DNAH9: variants seen among roughly 807,000 people sequenced by gnomAD.
The protein encoded by DNAH9 is DNAH9 variant protein.
Under a neutral mutation model 471.6 loss-of-function variants are expected in DNAH9, and 345 were observed. That is an observed-to-expected ratio of 0.73 (90% CI 0.67 to 0.80). The LOEUF (loss-of-function observed/expected upper bound fraction) is 0.80, where lower values mean the gene tolerates loss of function less well. DNAH9 is among the 30% of genes least tolerant of loss of function. The pLI is 0.00. For missense variants in DNAH9, 5,407 were observed against 5,609.2 expected, an observed-to-expected ratio of 0.96 and a Z score of 1.15; for synonymous variants, 2,093 against 2,123.6, an observed-to-expected ratio of 0.99 and a Z score of 0.40.
intron 57 of DNAH9, among the ~76,000 whole-genome samples, 164 bp from the exon 58 acceptor site, chr17:11,891,613 C>A (rs1387285377): frequency 9.0e-6 from 1 of 111,698 alleles, no homozygotes; most frequent in Admixed American, 1.1e-4. Context: ...GATCTGCCCA[C>A]CTTGGCCTCC....
chr17:11,829,523 G>A (rs187507891), intron 48 of DNAH9, among the ~76,000 whole-genome samples: 118 of 152,294 alleles, frequency 7.7e-4, no homozygotes, highest in South Asian at 3.1e-3. Context: ...CCAGGCTGGA[G>A]TGCAGTGGCC....
At chr17:11,951,299 T>C (rs192842637) in intron 67 of DNAH9, among the ~76,000 whole-genome samples, 1 of 152,202 alleles carries the variant, frequency 6.6e-6, no homozygotes, top group African/African-American at 2.4e-5. Flanking sequence ...GAGTCATGAC[T>C]TTTTGACACA....
intron 24 of DNAH9, among the ~76,000 whole-genome samples, chr17:11,702,039 A>G (rs1212404030): frequency 1.3e-5 from 2 of 152,214 alleles, no homozygotes; most frequent in East Asian, 1.9e-4. Flanking sequence ...CAGATAGTTC[A>G]TGAGGTCTGG....
rs1311971551 is a variant in DNAH9 at position 11,632,618 on chromosome 17, A to G, written c.1550A>G (p.Gln517Arg). ...GAAAATGACGTCTCTGAATTTAACCAGAAAGTAGAAGATCTTGACCGAAGA... is the reference window on the plus strand; with the variant it reads ...GAAAATGACGTCTCTGAATTTAACCGGAAAGTAGAAGATCTTGACCGAAGA... ...DFENDVSEFN[Q>R]KVEDLDRRLG... The change falls in exon 8 of 69, where the codon CAG becomes CGG. Residue 517 changes from glutamine (Q) to arginine (R), a missense_variant. Physicochemically the swap from Gln to Arg is conservative, Grantham distance 43. Around this residue, in one of 3 missense-constraint regions of DNAH9, gnomAD observed 767 missense variants for 692.5 expected, o/e 1.11. Coordinates refer to ENST00000262442, the MANE Select transcript of DNAH9 (RefSeq NM_001372.4). 1 of 1,606,412 alleles carries G rather than the reference A, an allele frequency of 6.2e-7. No homozygotes were observed. Among genetic ancestry groups the G allele is most frequent in the Non-Finnish European group, 8.5e-7 (1 of 1,173,090 alleles).
At chr17:11,634,693 C>T (rs78036208) in intron 8 of DNAH9, among the ~76,000 whole-genome samples, 1 of 152,180 alleles carries the variant, frequency 6.6e-6, no homozygotes, top group African/African-American at 2.4e-5. Flanking sequence ...TTTTTAGCAC[C>T]TTTACAGAGT....
At chr17:11,758,060 C>T (rs575309625) in intron 35 of DNAH9, among the ~76,000 whole-genome samples, 3 of 152,304 alleles carry the variant, frequency 2.0e-5, no homozygotes, top group East Asian at 3.9e-4. Context: ...TAGGCCAGAT[C>T]AACAGACCTA....
intron 24 of DNAH9, among the ~76,000 whole-genome samples, chr17:11,701,873 G>T (rs2074604770): frequency 6.6e-6 from 1 of 152,058 alleles, no homozygotes; most frequent in Non-Finnish European, 1.5e-5. Flanking sequence ...GTAGAGATGG[G>T]GTTTCACCAT....
Position 11,647,068 on chromosome 17 carries a change from G to C in DNAH9, c.1971-4G>C. Reference sequence around the variant, plus strand: ...GAGGTGGCTGTTGTCTCTGACCCTTGCAGGTATGAGACAAGACTTTATGAG... The same window carrying C: ...GAGGTGGCTGTTGTCTCTGACCCTTCCAGGTATGAGACAAGACTTTATGAG... On this transcript the variant is annotated splice_region_variant and splice_polypyrimidine_tract_variant and intron_variant, in intron 11 of 68. Coordinates refer to ENST00000262442, the MANE Select transcript of DNAH9 (RefSeq NM_001372.4). 1 of 1,613,600 alleles carries C rather than the reference G, an allele frequency of 6.2e-7. No homozygotes were observed. The highest frequency in any genetic ancestry group is 8.5e-7 in the Non-Finnish European group (1 of 1,179,720).
chr17:11,635,983 T>TG (rs1231484768), intron 8 of DNAH9, among the ~76,000 whole-genome samples: 3 of 128,624 alleles, frequency 2.3e-5, no homozygotes, highest in African/African-American at 8.1e-5. Flanking sequence ...GGTTTTGTTT[T>TG]TTTTGTTTGT....
intron 43 of DNAH9, among the ~76,000 whole-genome samples, chr17:11,804,345 A>G (rs1969580961): frequency 6.6e-6 from 1 of 152,238 alleles, no homozygotes; most frequent in Admixed American, 6.5e-5. Context: ...AAATATTTGT[A>G]TATCTGAAAC....
chr17:11,756,919 C>G lies in DNAH9; in HGVS notation c.6847+243C>G, dbSNP rs114846170. 5.1e-3 allele frequency among the ~76,000 whole-genome samples: 776 copies of G among 152,320 alleles called. 5 individuals carry two copies. Among genetic ancestry groups the G allele is most frequent in the African/African-American group, 0.018 (759 of 41,560 alleles). On this transcript the variant is annotated intron_variant, in intron 34 of 68. Transcript: ENST00000262442. Reference sequence around the variant, plus strand: ...TTTAGGCCAGTTCTAGCCTCCACGTCAATGGAGATGACCAAATATCACTGT... The same window carrying G: ...TTTAGGCCAGTTCTAGCCTCCACGTGAATGGAGATGACCAAATATCACTGT...
intron 6 of DNAH9, among the ~76,000 whole-genome samples, chr17:11,624,590 A>G (rs1272218100): frequency 6.6e-6 from 1 of 152,106 alleles, no homozygotes; most frequent in Non-Finnish European, 1.5e-5. Flanking sequence ...TACATAAATG[A>G]GCTCACCCAT....
At chr17:11,727,685 T>G (rs2075179832) in intron 27 of DNAH9, 133 bp from the exon 28 acceptor site, 1 of 633,392 alleles carries the variant, frequency 1.6e-6, no homozygotes, top group African/African-American at 1.8e-5. Context: ...TCTTGAAATT[T>G]TAATACAAGT....
At chr17:11,857,236 AG>A (rs1597741338) in intron 50 of DNAH9, among the ~76,000 whole-genome samples, 1 of 152,212 alleles carries the variant, frequency 6.6e-6, no homozygotes, top group East Asian at 1.9e-4. Flanking sequence ...AACCTGCGAA[AG>A]CAATAAGAAT....
intron 27 of DNAH9, among the ~76,000 whole-genome samples, chr17:11,724,611 A>C (rs2075121160): frequency 6.6e-6 from 1 of 152,206 alleles, no homozygotes. Context: ...CCATATCTTA[A>C]CTATTGTGAA....
Position 11,610,413 on chromosome 17 carries a change from A to T in DNAH9, c.632A>T (p.Lys211Met). ...TTTCACAGCTTGGATTCTATAGATAAGTCAGTCATCTATGCCATTGAGTCT... is the reference window on the plus strand; with the variant it reads ...TTTCACAGCTTGGATTCTATAGATATGTCAGTCATCTATGCCATTGAGTCT... ...KSETVLDSIDKSVIYAIESAV... is the reference protein window; with the variant it reads ...KSETVLDSIDMSVIYAIESAV... The change falls in exon 3 of 69, where the codon AAG becomes ATG. Residue 211 changes from lysine (K) to methionine (M), a missense_variant. Coordinates refer to ENST00000262442, the MANE Select transcript of DNAH9 (RefSeq NM_001372.4). 2.5e-6 allele frequency: 4 copies of T among 1,613,462 alleles called. No homozygotes were observed. Among genetic ancestry groups the T allele is most frequent in the Non-Finnish European group, 3.4e-6 (4 of 1,179,768 alleles).
chr17:11,914,250 A>T (rs1246453793), intron 61 of DNAH9, among the ~76,000 whole-genome samples: 1 of 152,146 alleles, frequency 6.6e-6, no homozygotes, highest in African/African-American at 2.4e-5. Context: ...CCTTTTATTT[A>T]TCTCAGGAGA....
intron 19 of DNAH9, among the ~76,000 whole-genome samples, chr17:11,689,227 A>C (rs957947289): frequency 6.6e-6 from 1 of 152,162 alleles, no homozygotes; most frequent in Admixed American, 6.5e-5. Context: ...CAGAACCAAC[A>C]GCTAGATGAA....
intron 26 of DNAH9, among the ~76,000 whole-genome samples, chr17:11,714,576 A>G (rs2074927575): frequency 6.6e-6 from 1 of 152,084 alleles, no homozygotes. Context: ...TTCCCTTTTG[A>G]GTGTGAGTAA....
Sources: gnomAD v4.1 joint callset for allele counts (sites outside exome capture counted in the v4.1 genomes callset) on GRCh38, gnomAD v4.1.1 for gene constraint, gnomAD v4.1.1 regional missense constraint, MANE v1.5 for transcripts, NCBI Gene and HGNC (gene_info 2026-07-23, HGNC 2026-07-21) for gene names.